The following BUB1B variants were observed in gnomAD, a reference collection of about 807,000 sequenced individuals.
BUB1B encodes the protein BUB1 mitotic checkpoint serine/threonine kinase B.
In BUB1B, 86 loss-of-function variants were observed where a neutral mutation model predicts 137.7. The observed-to-expected ratio is 0.62, with a 90% CI of 0.52 to 0.75. The LOEUF is 0.75. Among genes scored for constraint, BUB1B ranks in the 30% least tolerant of loss-of-function variants. The probability of loss-of-function intolerance (pLI) is 0.00; values close to 1 mark genes in which losing one functional copy is unlikely to be tolerated. For synonymous variants in BUB1B, 420 were observed against 417.9 expected (o/e 1.00, Z -0.06); for missense variants, 1,130 against 1,236.9 (o/e 0.91, Z 1.30).
At chr15:40,199,455 A>G (rs2037536928) in intron 9 of BUB1B, among the ~76,000 whole-genome samples, 160 bp from the exon 10 acceptor site, 1 of 152,224 alleles carries the variant, frequency 6.6e-6, no homozygotes, top group Non-Finnish European at 1.5e-5. Context: ...GAATGGATAA[A>G]GAATAGAGGC....
intron 18 of BUB1B, among the ~76,000 whole-genome samples, chr15:40,211,071 G>T (rs776540582): frequency 9.9e-5 from 15 of 151,992 alleles, no homozygotes; most frequent in Non-Finnish European, 2.1e-4. Context: ...TTTATTAGAG[G>T]TGTATATGGC....
intron 5 of BUB1B, among the ~76,000 whole-genome samples, chr15:40,178,430 A>G (rs1017072454): frequency 6.6e-6 from 1 of 152,072 alleles, no homozygotes; most frequent in Non-Finnish European, 1.5e-5. Context: ...AGAGAACATA[A>G]GGTATATGGT....
intron 2 of BUB1B, 98 bp downstream of exon 2, chr15:40,165,294 T>C (rs1305475523): frequency 2.0e-6 from 3 of 1,535,034 alleles, no homozygotes; most frequent in Non-Finnish European, 2.7e-6. Context: ...ATGAGTACTT[T>C]TCAAAAATTG....
At chr15:40,201,940 A>AT (rs1170220540) in intron 12 of BUB1B, among the ~76,000 whole-genome samples, 1 of 152,174 alleles carries the variant, frequency 6.6e-6, no homozygotes, top group African/African-American at 2.4e-5. Flanking sequence ...AAGTGCTGGG[A>AT]TTACAGGTGT....
intron 16 of BUB1B, 80 bp from the exon 17 acceptor site, chr15:40,209,555 C>A: frequency 6.6e-7 from 1 of 1,511,210 alleles, no homozygotes; most frequent in Non-Finnish European, 9.1e-7. Flanking sequence ...TTTTTTTTTT[C>A]TTCTACTCTG....
At chr15:40,171,078 G>C (rs938098634) in intron 4 of BUB1B, among the ~76,000 whole-genome samples, 1 of 152,052 alleles carries the variant, frequency 6.6e-6, no homozygotes, top group Non-Finnish European at 1.5e-5. Flanking sequence ...TGGGACTACA[G>C]GTGCTGTGCC....
intron 8 of BUB1B, among the ~76,000 whole-genome samples, chr15:40,191,407 T>C (rs1461086635): frequency 6.6e-6 from 1 of 152,260 alleles, no homozygotes; most frequent in African/African-American, 2.4e-5. Context: ...TTTTCTCCCA[T>C]TCTGGGTTGT....
chr15:40,185,636 C>A lies in BUB1B; in HGVS notation c.1052C>A (p.Pro351Gln). 1 of 1,612,914 alleles carries A rather than the reference C, an allele frequency of 6.2e-7. No individual in the cohort carries two copies. ...TPYVEETARQ[P>Q]VMTPCKIEPS... Reference sequence around the variant, plus strand: ...TATGTGGAAGAGACTGCACGACAGCCAGTTATGTGAGTGTGGTTTTTGGAT... The same window carrying A: ...TATGTGGAAGAGACTGCACGACAGCAAGTTATGTGAGTGTGGTTTTTGGAT... Residue 351 changes from proline (P) to glutamine (Q), a missense_variant, in exon 8 of 23, where the codon CCA becomes CAA. Physicochemically the swap from Pro to Gln is moderately conservative, Grantham distance 76. Coordinates refer to ENST00000287598, the MANE Select transcript of BUB1B (RefSeq NM_001211.6).
Position 40,209,722 on chromosome 15 carries a change from G to GT in BUB1B, c.2232dup (p.Ile745TyrfsTer8). The GT allele has an allele frequency of 6.2e-7, 1 of 1,614,148 alleles. No individual in the cohort carries two copies. Among genetic ancestry groups the GT allele is most frequent in the Non-Finnish European group, 8.5e-7 (1 of 1,180,018 alleles). ...GAGTTAAGTGCCTCTGCAGAGTTGT[G>GT]TATAGAAGACAGACCAATGCCTAAG... is the stretch of plus-strand genomic sequence containing the variant. On this transcript the variant is annotated frameshift_variant, in exon 17 of 23. Coordinates refer to ENST00000287598, the MANE Select transcript of BUB1B (RefSeq NM_001211.6). LOFTEE classifies it high-confidence loss of function.
At chr15:40,214,880 T>C (rs1456527272) in intron 20 of BUB1B, among the ~76,000 whole-genome samples, 1 of 115,408 alleles carries the variant, frequency 8.7e-6, no homozygotes, top group Non-Finnish European at 1.6e-5. Flanking sequence ...CCCTAAGCCG[T>C]TGTGACCACC....
intron 2 of BUB1B, among the ~76,000 whole-genome samples, chr15:40,166,893 G>A (rs530159523): frequency 1.3e-5 from 2 of 152,082 alleles, no homozygotes; most frequent in Non-Finnish European, 2.9e-5. Flanking sequence ...AATGGTGAAC[G>A]TTTTTTCACA....
chr15:40,182,031 C>T (rs2037300396), intron 5 of BUB1B, among the ~76,000 whole-genome samples: 1 of 152,204 alleles, frequency 6.6e-6, no homozygotes, highest in Admixed American at 6.5e-5. Context: ...TGGTGAAACT[C>T]TGTCTCTACT....
At chr15:40,201,790 C>A (rs569421794) in intron 12 of BUB1B, among the ~76,000 whole-genome samples, 1 of 152,122 alleles carries the variant, frequency 6.6e-6, no homozygotes, top group South Asian at 2.1e-4. Context: ...CCTCAGCCTC[C>A]CGACTAGCTG....
chr15:40,212,251 A>G (rs931518701), intron 18 of BUB1B, among the ~76,000 whole-genome samples: 1 of 152,204 alleles, frequency 6.6e-6, no homozygotes, highest in Non-Finnish European at 1.5e-5. Context: ...TTGTAGTGTA[A>G]ATGTAGCTCA....
At chr15:40,169,995 G>A (rs1358432623) in intron 2 of BUB1B, 67 bp from the exon 3 acceptor site, 4 of 1,234,580 alleles carry the variant, frequency 3.2e-6, no homozygotes, top group Non-Finnish European at 4.8e-6. Context: ...AATAAAAATG[G>A]AAGTGATACT....
In BUB1B at chr15:40,165,946, G is replaced by A. The variant is rs557610667; in HGVS notation, c.179+750G>A. ...CAGCTCACTGCAACCTCTGCCTCCC[G>A]GTTTTAAGTGATTCTCCCACCTCAG... is the stretch of plus-strand genomic sequence containing the variant. On this transcript the variant is annotated intron_variant, in intron 2 of 22. Coordinates refer to ENST00000287598, the MANE Select transcript of BUB1B (RefSeq NM_001211.6). 7.4e-5 allele frequency among the ~76,000 whole-genome samples: 11 copies of A among 148,324 alleles called. No individual in the cohort carries two copies. In the South Asian group the frequency reaches 1.5e-3, roughly 20 times the overall value.
intron 2 of BUB1B, among the ~76,000 whole-genome samples, chr15:40,167,621 A>C (rs1380777356): frequency 1.3e-5 from 2 of 152,230 alleles, no homozygotes; most frequent in East Asian, 1.9e-4. Context: ...GATTACGGGC[A>C]TGAGCCACTG....
intron 4 of BUB1B, among the ~76,000 whole-genome samples, chr15:40,172,283 T>C (rs889041291): frequency 6.6e-6 from 1 of 152,172 alleles, no homozygotes; most frequent in African/African-American, 2.4e-5. Flanking sequence ...GGACTGATTT[T>C]AAACTTCCAA....
At chr15:40,202,738 T>G in intron 14 of BUB1B, 44 bp downstream of exon 14, 9 of 1,518,652 alleles carry the variant, frequency 5.9e-6, no homozygotes, top group South Asian at 1.1e-5. Flanking sequence ...GGCTAGTGGA[T>G]TGTTTATTCA....
Sources: allele counts gnomAD v4.1 joint callset (sites outside exome capture counted in the v4.1 genomes callset), GRCh38; gene constraint gnomAD v4.1.1; transcripts MANE v1.5; gene names NCBI Gene and HGNC (gene_info 2026-07-23, HGNC 2026-07-21).